Variants in STARD13 observed in about 807,000 individuals in gnomAD.
STARD13 encodes the protein StAR related lipid transfer domain containing 13, also known as stAR-related lipid transfer protein 13.
Under a neutral mutation model 106.4 loss-of-function variants are expected in STARD13, and 62 were observed. The ratio of observed to expected loss-of-function variants is 0.58; its 90% confidence interval spans 0.48 to 0.72. The LOEUF (loss-of-function observed/expected upper bound fraction) is 0.72, where lower values mean the gene tolerates loss of function less well. STARD13 is among the 30% of genes least tolerant of loss of function. STARD13 has a pLI of 0.00. For missense variants in STARD13, 1,387 were observed against 1,424.0 expected (o/e 0.97, Z 0.42); for synonymous variants, 565 against 553.0 (o/e 1.02, Z -0.31).
At chr13:33,479,390 T>A in the STARD13 span, among the ~76,000 whole-genome samples, 1 of 152,064 alleles carries the variant, frequency 6.6e-6, no homozygotes, top group Non-Finnish European at 1.5e-5. Context: ...TTCCCAAAAA[T>A]GCAGAGACAA....
At chr13:33,164,654 T>C (rs1883114947) in intron 3 of STARD13, among the ~76,000 whole-genome samples, 1 of 152,222 alleles carries the variant, frequency 6.6e-6, no homozygotes, top group African/African-American at 2.4e-5. Context: ...TCTTTTATTA[T>C]TACCCAAATT....
At chr13:33,448,776 T>C in the STARD13 span, among the ~76,000 whole-genome samples, 1 of 152,188 alleles carries the variant, frequency 6.6e-6, no homozygotes, top group Non-Finnish European at 1.5e-5. Flanking sequence ...TGTTACTGTT[T>C]GTCCTTTTGA....
chr13:33,519,212 CTTTCTTTCTTTCTTTCTTTCTTTCTT>C, the STARD13 span, among the ~76,000 whole-genome samples: 22 of 66,408 alleles, frequency 3.3e-4, 1 homozygote, highest in African/African-American at 1.4e-3. Flanking sequence ...GTAATTTTTT[CTTTCTTTCTTTCTTTCTTTCTTTCTT>C]TCTTTCTTTC....
At chr13:33,141,102 C>T (rs916554507) in intron 4 of STARD13, among the ~76,000 whole-genome samples, 23 of 152,070 alleles carry the variant, frequency 1.5e-4, no homozygotes, top group African/African-American at 5.1e-4. Flanking sequence ...TCTGATCCTT[C>T]AAAATATATG....
the STARD13 span, among the ~76,000 whole-genome samples, chr13:33,480,145 T>C: frequency 1.3e-5 from 2 of 152,188 alleles, no homozygotes; most frequent in Non-Finnish European, 2.9e-5. Flanking sequence ...ATATGCTATA[T>C]ATAATTTTAA....
chr13:33,331,999 G>A (rs1422209179), intron 1 of STARD13, among the ~76,000 whole-genome samples: 1 of 152,050 alleles, frequency 6.6e-6, no homozygotes, highest in Non-Finnish European at 1.5e-5. Context: ...TCCACTCTTG[G>A]CCTGTATTGT....
chr13:33,117,658 T>A, intron 8 of STARD13: 1 of 964,848 alleles, frequency 1.0e-6, no homozygotes, highest in South Asian at 4.8e-5. Context: ...CCTGTCATTT[T>A]AATTCATGTC....
At chr13:33,277,350 T>C (rs1258191634) in intron 1 of STARD13, 1 of 152,210 alleles carries the variant, frequency 6.6e-6, no homozygotes, top group African/African-American at 2.4e-5. Flanking sequence ...TGGAAATTGA[T>C]AAGTTGTCTC....
At chr13:33,421,084 GC>G in the STARD13 span, among the ~76,000 whole-genome samples, 1 of 152,048 alleles carries the variant, frequency 6.6e-6, no homozygotes, top group African/African-American at 2.4e-5. Context: ...CTAGCAGAAG[GC>G]AAGAAATAAC....
At chr13:33,554,314 G>T in the STARD13 span, among the ~76,000 whole-genome samples, 2 of 152,148 alleles carry the variant, frequency 1.3e-5, no homozygotes, top group Non-Finnish European at 2.9e-5. Context: ...TTTGTTGAAG[G>T]CAGTGATGGT....
At chr13:33,163,462 T>G (rs980341757) in intron 3 of STARD13, among the ~76,000 whole-genome samples, 1 of 151,206 alleles carries the variant, frequency 6.6e-6, no homozygotes, top group Non-Finnish European at 1.5e-5. Context: ...TGGTGGCATA[T>G]GCCTGTAGTC....
chr13:33,167,659 C>T, intron 1 of STARD13, 37 bp from the exon 2 acceptor site: 1 of 1,579,152 alleles, frequency 6.3e-7, no homozygotes, highest in Non-Finnish European at 8.7e-7. Context: ...GTGAGTCCCA[C>T]AGCCGCACCC....
the STARD13 span, among the ~76,000 whole-genome samples, chr13:33,483,248 G>A: frequency 6.6e-6 from 1 of 152,134 alleles, no homozygotes; most frequent in African/African-American, 2.4e-5. Context: ...AGACCATGTG[G>A]TCCAAACTTA....
the STARD13 span, among the ~76,000 whole-genome samples, chr13:33,403,113 C>T: frequency 2.0e-5 from 3 of 152,236 alleles, no homozygotes; most frequent in Non-Finnish European, 4.4e-5. Flanking sequence ...CACCCCTAGA[C>T]ACTACTGCAG....
At chr13:33,296,940 C>T (rs563203977) in intron 1 of STARD13, among the ~76,000 whole-genome samples, 1 of 152,286 alleles carries the variant, frequency 6.6e-6, no homozygotes, top group African/African-American at 2.4e-5. Context: ...TTTAAAATTC[C>T]ACATGTAAAT....
At position 33,129,124 on chromosome 13, in the gene STARD13, A is replaced by G. The variant is rs765445915; in HGVS notation, c.1553T>C (p.Val518Ala). The G allele has an allele frequency of 5.0e-6, 8 of 1,614,058 alleles. No individual in the cohort carries two copies. The highest frequency in any genetic ancestry group is 6.8e-6 in the Non-Finnish European group (8 of 1,180,024). Residue 518 changes from valine to alanine, a missense_variant, in exon 5 of 14, where the codon GTT (valine) becomes GCT (alanine). Transcript: ENST00000336934. The stretch of plus-strand genomic sequence containing the variant: ...AAAGGTGGATAAGCCAGGTTCCCCA[A>G]CCAATGTATCATGAGTTTGCAGTTC... The part of the protein sequence containing the change: ...LPELQTHDTL[V>A]GEPGLSTFPS...
At chr13:33,577,997 C>T in the STARD13 span, among the ~76,000 whole-genome samples, 2 of 151,938 alleles carry the variant, frequency 1.3e-5, no homozygotes, top group Non-Finnish European at 2.9e-5. Flanking sequence ...TGAAATAAAT[C>T]ACAGATGACA....
chr13:33,633,831 C>T, the STARD13 span, among the ~76,000 whole-genome samples: 13 of 152,212 alleles, frequency 8.5e-5, no homozygotes, highest in African/African-American at 2.2e-4. Flanking sequence ...CTGCCCAGGG[C>T]GGTGTTATTA....
At chr13:33,457,403 G>T in the STARD13 span, among the ~76,000 whole-genome samples, 15 of 152,124 alleles carry the variant, frequency 9.9e-5, no homozygotes, top group Non-Finnish European at 1.2e-4. Context: ...AGTCCTCAAA[G>T]CCAGAAAAGA....
Sources: allele counts gnomAD v4.1 joint callset (sites outside exome capture counted in the v4.1 genomes callset), GRCh38; gene constraint gnomAD v4.1.1; transcripts MANE v1.5; gene names NCBI Gene and HGNC (gene_info 2026-07-23, HGNC 2026-07-21).